The following DAB1 variants were observed in gnomAD, a reference collection of about 807,000 sequenced individuals.
The protein encoded by DAB1 is disabled homolog 1.
A neutral mutation model predicts 64.6 loss-of-function variants in DAB1; 15 were observed. The observed-to-expected ratio is 0.23, with a 90% CI of 0.16 to 0.36. The LOEUF (loss-of-function observed/expected upper bound fraction) is 0.36, where lower values mean the gene tolerates loss of function less well. Among genes scored for constraint, DAB1 ranks in the 10% least tolerant of loss-of-function variants. The pLI is 1.00. For synonymous variants in DAB1, 235 were observed against 251.9 expected (o/e 0.93, Z 0.64); for missense variants, 596 against 706.7 (o/e 0.84, Z 1.78).
At chr1:57,960,148 C>G (rs1319556746) in intron 5 of DAB1, among the ~76,000 whole-genome samples, 5 of 152,114 alleles carry the variant, frequency 3.3e-5, no homozygotes, top group Admixed American at 3.3e-4. Context: ...TTGTCTGGCA[C>G]GGGAAGCCCA....
intron 6 of DAB1, among the ~76,000 whole-genome samples, chr1:57,788,021 TGAA>T (rs1650419064): frequency 1.3e-5 from 2 of 151,944 alleles, no homozygotes; most frequent in Non-Finnish European, 2.9e-5. Context: ...TATCAAGTGA[TGAA>T]GAACATCTGG....
intron 2 of DAB1, among the ~76,000 whole-genome samples, chr1:57,226,291 C>T (rs768759274): frequency 2.0e-5 from 3 of 152,158 alleles, no homozygotes; most frequent in Admixed American, 6.6e-5. Context: ...TATGCTTGGG[C>T]GTCTAATTCA....
chr1:57,054,005 G>A (rs147880412), intron 9 of DAB1, among the ~76,000 whole-genome samples: 2 of 152,084 alleles, frequency 1.3e-5, no homozygotes, highest in African/African-American at 4.8e-5. Flanking sequence ...TCTTTTGAAG[G>A]CCAAAAGAAT....
At chr1:58,267,402 C>T (rs1463582773) in intron 4 of DAB1, among the ~76,000 whole-genome samples, 1 of 152,156 alleles carries the variant, frequency 6.6e-6, no homozygotes, top group East Asian at 1.9e-4. Flanking sequence ...ATCACATTCT[C>T]CCCTACTTCC....
intron 5 of DAB1, among the ~76,000 whole-genome samples, chr1:58,137,642 T>A (rs1033294450): frequency 5.3e-5 from 8 of 152,166 alleles, no homozygotes; most frequent in African/African-American, 1.9e-4. Context: ...TCATCCTTCC[T>A]TATAGCCAAC....
At chr1:58,124,119 C>T (rs1281912825) in intron 5 of DAB1, among the ~76,000 whole-genome samples, 3 of 151,886 alleles carry the variant, frequency 2.0e-5, no homozygotes, top group Non-Finnish European at 2.9e-5. Flanking sequence ...TATCTGGTAT[C>T]ATCCTGTAGC....
intron 7 of DAB1, among the ~76,000 whole-genome samples, chr1:57,581,406 T>C (rs1645310337): frequency 6.6e-6 from 1 of 152,166 alleles, no homozygotes; most frequent in Admixed American, 6.6e-5. Flanking sequence ...CCCAAATCTG[T>C]AAAGGATTTG....
intron 7 of DAB1, among the ~76,000 whole-genome samples, chr1:57,466,703 A>C (rs987074053): frequency 6.6e-6 from 1 of 152,176 alleles, no homozygotes; most frequent in African/African-American, 2.4e-5. Context: ...CTGGGGAAGA[A>C]TCAGCTTCCA....
At chr1:57,187,450 T>C (rs1264812330) in intron 2 of DAB1, among the ~76,000 whole-genome samples, 1 of 152,186 alleles carries the variant, frequency 6.6e-6, no homozygotes, top group Non-Finnish European at 1.5e-5. Flanking sequence ...TTGCGTATGA[T>C]TCTGGAAAGT....
In DAB1 at chr1:58,307,813, T is replaced by C. The variant is rs1372996301; in HGVS notation, n.309+35539A>G. On this transcript the variant is annotated intron_variant and non_coding_transcript_variant, in intron 4 of 20. Coordinates refer to the DAB1 transcript ENST00000485760. Reference sequence around the variant, plus strand: ...AGGAATAGCATTGCTAGAGCATAAATACCCAGGAAAGGGGGCCAGGAAATG... The same window carrying C: ...AGGAATAGCATTGCTAGAGCATAAACACCCAGGAAAGGGGGCCAGGAAATG... Among the ~76,000 whole-genome samples the C allele has an allele frequency of 2.6e-5, 4 of 151,578 alleles. No homozygotes were observed. In the East Asian group the frequency reaches 7.8e-4, roughly 30 times the overall value.
intron 4 of DAB1, among the ~76,000 whole-genome samples, chr1:58,219,701 A>G (rs1294761996): frequency 6.6e-6 from 1 of 152,162 alleles, no homozygotes; most frequent in Non-Finnish European, 1.5e-5. Flanking sequence ...CTCCCTGTAC[A>G]TGCACCTGCA....
intron 5 of DAB1, among the ~76,000 whole-genome samples, chr1:57,903,344 A>G (rs760271276): frequency 5.9e-5 from 9 of 152,216 alleles, no homozygotes; most frequent in Non-Finnish European, 1.2e-4. Flanking sequence ...TCTTCTAAAA[A>G]GAGCTTTCCC....
At chr1:58,005,187 A>T (rs192388299) in intron 5 of DAB1, among the ~76,000 whole-genome samples, 186 of 152,224 alleles carry the variant, frequency 1.2e-3, no homozygotes, top group African/African-American at 4.2e-3. Flanking sequence ...CATCACCATA[A>T]ATCATTTTCA....
At chr1:58,018,566 T>C (rs994866982) in intron 5 of DAB1, among the ~76,000 whole-genome samples, 3 of 152,152 alleles carry the variant, frequency 2.0e-5, no homozygotes, top group Admixed American at 6.5e-5. Flanking sequence ...TGGGCATTGG[T>C]CCAGAGGCTG....
At chr1:58,258,127 G>A (rs1402903300) in intron 4 of DAB1, among the ~76,000 whole-genome samples, 1 of 152,178 alleles carries the variant, frequency 6.6e-6, no homozygotes, top group Non-Finnish European at 1.5e-5. Context: ...CAGCTCTCCT[G>A]TCCCAGCATT....
intron 1 of DAB1, among the ~76,000 whole-genome samples, chr1:57,330,673 G>A (rs922472096): frequency 1.3e-5 from 2 of 152,120 alleles, no homozygotes; most frequent in Non-Finnish European, 2.9e-5. Flanking sequence ...TGAGAGCAGG[G>A]GTTGTATGTC....
chr1:58,488,664 C>CTGG (rs979478115), intron 3 of DAB1, among the ~76,000 whole-genome samples: 1 of 152,132 alleles, frequency 6.6e-6, no homozygotes, highest in Admixed American at 6.5e-5. Context: ...GTTGGTCAGG[C>CTGG]TGGTCTTGAA....
intron 5 of DAB1, among the ~76,000 whole-genome samples, chr1:58,103,524 G>A (rs1651449802): frequency 6.6e-6 from 1 of 152,190 alleles, no homozygotes; most frequent in South Asian, 2.1e-4. Context: ...AATAAAGACA[G>A]GAACCAGTAT....
At chr1:57,727,118 G>A (rs1262452543) in intron 6 of DAB1, among the ~76,000 whole-genome samples, 1 of 152,190 alleles carries the variant, frequency 6.6e-6, no homozygotes, top group East Asian at 1.9e-4. Context: ...TTGGCTAGAG[G>A]TGACTGCAGC....
Sources: allele counts gnomAD v4.1 joint callset (sites outside exome capture counted in the v4.1 genomes callset), GRCh38; gene constraint gnomAD v4.1.1; transcripts MANE v1.5; gene names NCBI Gene and HGNC (gene_info 2026-07-23, HGNC 2026-07-21).